CASTOR2: variants seen among roughly 807,000 people sequenced by gnomAD.
CASTOR2 encodes the protein cytosolic arginine sensor for mTORC1 subunit 2, also known as GATS protein like 2.
Under a neutral mutation model 31.2 loss-of-function variants are expected in CASTOR2, and 8 were observed. That is an observed-to-expected ratio of 0.26 (90% CI 0.15 to 0.46). The LOEUF is 0.46. Among genes scored for constraint, CASTOR2 ranks in the 20% least tolerant of loss-of-function variants. The probability of loss-of-function intolerance (pLI) is 0.99; values close to 1 mark genes in which losing one functional copy is unlikely to be tolerated. For synonymous variants in CASTOR2, 162 were observed against 158.7 expected, an observed-to-expected ratio of 1.02 and a Z score of -0.16; for missense variants, 216 against 382.1, an observed-to-expected ratio of 0.57 and a Z score of 3.62.
chr7:74,969,236 C>G (rs1389562383), intron 1 of CASTOR2, among the ~76,000 whole-genome samples: 3 of 80,018 alleles, frequency 3.7e-5, no homozygotes, highest in Non-Finnish European at 7.0e-5. Flanking sequence ...AACTGAAATG[C>G]TGGCCTTTCT....
chr7:75,017,825 T>A lies in CASTOR2; in HGVS notation c.378+34T>A, dbSNP rs1804900189. ...ACCATCACAGACACGCCTTGCACAC[T>A]CATGCCCGCCTCTGACACACTCACT... On this transcript the variant is annotated intron_variant, in intron 3 of 8. Transcript: ENST00000616305. 4 of 1,613,536 alleles carry A rather than the reference T, an allele frequency of 2.5e-6. No individual in the cohort carries two copies. The African/African-American group carries it at 5.3e-5, about 22-fold the overall frequency.
At chr7:74,974,456 T>A (rs1331478810) in intron 1 of CASTOR2, among the ~76,000 whole-genome samples, 1 of 150,506 alleles carries the variant, frequency 6.6e-6, no homozygotes, top group Non-Finnish European at 1.5e-5. Context: ...TGGCTGGGAG[T>A]GCAGGGGCAG....
rs972285520 is a variant in CASTOR2, at chr7:75,030,667, C to A, written c.*5968C>A. Among the ~76,000 whole-genome samples the A allele has an allele frequency of 6.6e-6, 1 of 152,106 alleles. No homozygotes were observed. Among genetic ancestry groups the A allele is most frequent in the Non-Finnish European group, 1.5e-5 (1 of 68,014 alleles). ...CTGCTTGAGTGTCTTCACAATATGG[C>A]GCTCGGCTTCCCCCCAGAGCAAGAG... On this transcript the variant is annotated 3_prime_UTR_variant, in exon 9 of 9. Transcript: ENST00000616305.
At chr7:74,992,733 C>T (rs1337153437) in intron 1 of CASTOR2, among the ~76,000 whole-genome samples, 3 of 152,106 alleles carry the variant, frequency 2.0e-5, no homozygotes, top group Non-Finnish European at 4.4e-5. Context: ...CCACTGTGCC[C>T]GGCCTCAAGA....
At chr7:75,021,811 C>A in intron 6 of CASTOR2, 63 bp from the exon 7 acceptor site, 1 of 1,535,394 alleles carries the variant, frequency 6.5e-7, no homozygotes, top group Non-Finnish European at 8.8e-7. Context: ...GGTGCACCAG[C>A]ACACCAAGGA....
At chr7:74,975,024 A>G (rs1554435491) in intron 1 of CASTOR2, among the ~76,000 whole-genome samples, 1 of 150,900 alleles carries the variant, frequency 6.6e-6, no homozygotes. Context: ...GCTGGAGTGC[A>G]GTGGCACGAT....
intron 4 of CASTOR2, 75 bp from the exon 5 acceptor site, chr7:75,018,885 CCCCAGCCCTCTT>C (rs1804929107): frequency 6.5e-7 from 1 of 1,548,176 alleles, no homozygotes. Context: ...GCTGAGCCCT[CCCCAGCCCTCTT>C]CCCAGGCCCT....
Position 75,026,798 on chromosome 7 carries a change from C to T in CASTOR2, c.*2099C>T, listed in dbSNP as rs1805147244. Among the ~76,000 whole-genome samples, 1 of 152,070 alleles carries T rather than the reference C, an allele frequency of 6.6e-6. No homozygotes were observed. Among genetic ancestry groups the T allele is most frequent in the African/African-American group, 2.4e-5 (1 of 41,394 alleles). On this transcript the variant is annotated 3_prime_UTR_variant, in exon 9 of 9. Transcript: ENST00000616305. ...GAGTCCCCTTTCTGACCTTGCAAGG[C>T]CTTGATTTTCCTTTCTGTCATTTCC... is the stretch of plus-strand genomic sequence containing the variant.
At chr7:74,990,625 C>T (rs1312369330) in intron 1 of CASTOR2, among the ~76,000 whole-genome samples, 38 of 152,072 alleles carry the variant, frequency 2.5e-4, no homozygotes, top group Non-Finnish European at 3.8e-4. Flanking sequence ...GAGGCCAAGG[C>T]GGGTGGATCG....
At chr7:75,020,561 G>A (rs1187207269) in intron 6 of CASTOR2, among the ~76,000 whole-genome samples, 1 of 151,302 alleles carries the variant, frequency 6.6e-6, no homozygotes, top group Non-Finnish European at 1.5e-5. Context: ...CACTATCTCG[G>A]CTCACTGCAA....
At chr7:75,012,497 G>A (rs1804774299) in intron 2 of CASTOR2, among the ~76,000 whole-genome samples, 2 of 151,328 alleles carry the variant, frequency 1.3e-5, no homozygotes, top group Admixed American at 1.3e-4. Flanking sequence ...AGTAGAGACA[G>A]GGTTTCACCA....
At chr7:74,996,615 G>C (rs1804353020) in intron 1 of CASTOR2, among the ~76,000 whole-genome samples, 1 of 148,394 alleles carries the variant, frequency 6.7e-6, no homozygotes, top group South Asian at 2.2e-4. Context: ...TGAGCTTCTG[G>C]TTATGTCAGG....
intron 1 of CASTOR2, among the ~76,000 whole-genome samples, chr7:74,993,858 T>C (rs1346745771): frequency 6.6e-6 from 1 of 151,452 alleles, no homozygotes; most frequent in Non-Finnish European, 1.5e-5. Context: ...AGCTGGTTCA[T>C]AAATCAGACA....
chr7:74,986,953 G>A (rs2131926483), intron 1 of CASTOR2, among the ~76,000 whole-genome samples: 1 of 152,284 alleles, frequency 6.6e-6, no homozygotes, highest in African/African-American at 2.4e-5. Context: ...CTACTCTGGA[G>A]GGCAAGGTGG....
chr7:74,984,822 T>C (rs1804025931), intron 1 of CASTOR2, among the ~76,000 whole-genome samples: 1 of 152,112 alleles, frequency 6.6e-6, no homozygotes, highest in Non-Finnish European at 1.5e-5. Context: ...GAAGCTAGCT[T>C]TGGACTCAGA....
At chr7:75,022,673 CCTGT>C (rs1805033417) in intron 7 of CASTOR2, among the ~76,000 whole-genome samples, 2 of 152,142 alleles carry the variant, frequency 1.3e-5, no homozygotes, top group African/African-American at 4.8e-5. Flanking sequence ...GTGGCGTGCG[CCTGT>C]AATCCCAGCT....
Position 75,008,103 on chromosome 7 carries a change from C to T in CASTOR2, c.184+39C>T, listed in dbSNP as rs1193477259. The T allele has an allele frequency of 5.0e-6, 8 of 1,613,132 alleles. No homozygotes were observed. In the African/African-American group the frequency reaches 6.7e-5, roughly 13 times the overall value. On this transcript the variant is annotated intron_variant, in intron 2 of 8. Coordinates refer to ENST00000616305, the MANE Select transcript of CASTOR2 (RefSeq NM_001145064.3). ...TCCCTAGGGGCTCGGCTGGACCATG[C>T]CCCGAAGTCAGGGCTGGCTGCCCAC...
chr7:74,985,569 G>A (rs1382742743), intron 1 of CASTOR2, among the ~76,000 whole-genome samples: 3 of 115,612 alleles, frequency 2.6e-5, no homozygotes, highest in Non-Finnish European at 5.1e-5. Context: ...GCCAAAGATT[G>A]AGAAACAGCC....
At chr7:75,008,828 T>G (rs1804663575) in intron 2 of CASTOR2, among the ~76,000 whole-genome samples, 1 of 152,176 alleles carries the variant, frequency 6.6e-6, no homozygotes, top group Non-Finnish European at 1.5e-5. Flanking sequence ...TGTATGCCTC[T>G]ACTACCAGCT....
Sources: allele counts gnomAD v4.1 joint callset (sites outside exome capture counted in the v4.1 genomes callset), GRCh38; gene constraint gnomAD v4.1.1; transcripts MANE v1.5; gene names NCBI Gene and HGNC (gene_info 2026-07-23, HGNC 2026-07-21).